GABRP: variants seen among roughly 807,000 people sequenced by gnomAD.
GABRP encodes gamma-aminobutyric acid type A receptor subunit pi, also known as gamma-aminobutyric acid receptor subunit pi.
In GABRP, 52 loss-of-function variants were observed where a neutral mutation model predicts 47.8. That is an observed-to-expected ratio of 1.09 (90% CI 0.87 to 1.37). The LOEUF is 1.37. GABRP is among the 40% of genes most tolerant of loss of function. The pLI is 0.00. For missense variants in GABRP, 525 were observed against 542.8 expected (o/e 0.97, Z 0.33); for synonymous variants, 221 against 205.8 (o/e 1.07, Z -0.63).
chr5:170,802,853 G>A (rs144051022), intron 6 of GABRP, among the ~76,000 whole-genome samples: 14 of 133,552 alleles, frequency 1.0e-4, no homozygotes, highest in Admixed American at 2.2e-4. Flanking sequence ...CCCAGTGAGC[G>A]GAGGGAGCTT....
intron 5 of GABRP, among the ~76,000 whole-genome samples, chr5:170,797,050 G>A (rs1307021829): frequency 6.6e-6 from 1 of 152,248 alleles, no homozygotes; most frequent in Non-Finnish European, 1.5e-5. Context: ...CCTCAGTTCT[G>A]CCACTCAGAG....
chr5:170,799,125 G>C (rs1168866903), intron 6 of GABRP, among the ~76,000 whole-genome samples: 1 of 152,124 alleles, frequency 6.6e-6, no homozygotes, highest in East Asian at 1.9e-4. Flanking sequence ...ATTTTTTATG[G>C]CTGCATAGTA....
intron 1 of GABRP, among the ~76,000 whole-genome samples, chr5:170,787,007 T>C (rs1417012278): frequency 6.6e-6 from 1 of 152,088 alleles, no homozygotes; most frequent in African/African-American, 2.4e-5. Flanking sequence ...TTTTTTTAAA[T>C]AGACTTCTTT....
Position 170,797,481 on chromosome 5 carries a change from T to G in GABRP, c.474T>G (p.Val158=). Residue 158 remains valine, a synonymous_variant, in exon 6 of 10, where the codon GTT becomes GTG. Transcript: ENST00000265294. ...VLYALRITTT[V]ACNMDLSKYP... is the part of the protein sequence containing the mutation. ...TCCCTCTTAGAATCACGACAACTGT[T>G]GCATGTAACATGGATCTGTCTAAAT... 6.2e-7 allele frequency: 1 copy of G among 1,610,834 alleles called. No individual in the cohort carries two copies.
chr5:170,812,075 C>A lies in GABRP; in HGVS notation c.1140C>A (p.Tyr380Ter). 1 of 1,614,188 alleles carries A rather than the reference C, an allele frequency of 6.2e-7. No individual in the cohort carries two copies. The highest frequency in any genetic ancestry group is 1.3e-5 in the African/African-American group (1 of 75,058). Residue 380 changes from tyrosine (Y) to a stop codon, truncating the protein, a stop_gained, in exon 10 of 10, where the codon TAC becomes TAA. Transcript: ENST00000265294. LOFTEE classifies it high-confidence loss of function. Reference protein sequence around the residue: ...SIEISSDNVDYSDLTMKTSDK... With the variant: ...SIEISSDNVD ...AAATTTCCAGCGACAACGTTGACTA[C>A]AGTGACTTGACAATGAAAACCAGCG... is the stretch of plus-strand genomic sequence containing the variant.
intron 5 of GABRP, among the ~76,000 whole-genome samples, chr5:170,796,969 C>CTCTG (rs1042456456): frequency 9.2e-5 from 14 of 152,340 alleles, no homozygotes; most frequent in African/African-American, 3.1e-4. Flanking sequence ...CCCCCACTGC[C>CTCTG]TCTGCATCCT....
At chr5:170,808,346 C>T (rs1765789812) in intron 7 of GABRP, among the ~76,000 whole-genome samples, 1 of 152,138 alleles carries the variant, frequency 6.6e-6, no homozygotes. Flanking sequence ...TCAAGAAAAC[C>T]AGTATTGATT....
chr5:170,784,918 G>T (rs1178757621), intron 1 of GABRP, among the ~76,000 whole-genome samples: 1 of 152,198 alleles, frequency 6.6e-6, no homozygotes, highest in Non-Finnish European at 1.5e-5. Flanking sequence ...GGCCTCCTGA[G>T]CACCATGTCC....
Position 170,812,338 on chromosome 5 carries a change from G to T in GABRP, c.*80G>T. The T allele has an allele frequency of 1.0e-5, 11 of 1,096,018 alleles. No homozygotes were observed. The South Asian group carries it at 1.6e-4, about 16-fold the overall frequency. 67.9% of individuals were successfully genotyped at this position (1,096,018 alleles called of 1,614,324 possible). The stretch of plus-strand genomic sequence containing the variant: ...GTAAATGGTATTTTAGGCCAAGTGT[G>T]CACCCACATCCAATGGTGCTACAAG... On this transcript the variant is annotated 3_prime_UTR_variant, in exon 10 of 10. Transcript: ENST00000265294.
chr5:170,791,529 T>C (rs1176714184), intron 3 of GABRP, among the ~76,000 whole-genome samples: 2 of 152,226 alleles, frequency 1.3e-5, no homozygotes, highest in African/African-American at 4.8e-5. Flanking sequence ...ACCTCGTTCC[T>C]GGGAGAAAGC....
chr5:170,785,829 G>A (rs1422822698), intron 1 of GABRP, among the ~76,000 whole-genome samples: 1 of 152,228 alleles, frequency 6.6e-6, no homozygotes, highest in Non-Finnish European at 1.5e-5. Context: ...GGGCTGGTGG[G>A]AAGAGGCTGA....
At position 170,795,294 on chromosome 5, in the gene GABRP, C is replaced by T. The variant is rs1765396352; in HGVS notation, c.327C>T (p.Ala109=). ...GCAACAAGAGCTTCACTCTGGATGCCCGCCTCGTGGAGTTCCTCTGGGTGC... is the reference window on the plus strand; with the variant it reads ...GCAACAAGAGCTTCACTCTGGATGCTCGCCTCGTGGAGTTCCTCTGGGTGC... ...FEGNKSFTLD[A]RLVEFLWVPD... Residue 109 remains alanine (A), a synonymous_variant, in exon 5 of 10, where the codon GCC becomes GCT. Coordinates refer to ENST00000265294, the MANE Select transcript of GABRP (RefSeq NM_014211.3). 1.2e-6 allele frequency: 2 copies of T among 1,613,722 alleles called. No homozygotes were observed. Among genetic ancestry groups the T allele is most frequent in the East Asian group, 2.2e-5 (1 of 44,784 alleles).
At chr5:170,809,815 A>C in intron 9 of GABRP, 60 bp downstream of exon 9, 1 of 1,508,132 alleles carries the variant, frequency 6.6e-7, no homozygotes, top group South Asian at 1.3e-5. Context: ...TGATCTGTAG[A>C]CATGGGCTGG....
chr5:170,800,077 C>T (rs1276473924), intron 6 of GABRP, among the ~76,000 whole-genome samples: 2 of 152,168 alleles, frequency 1.3e-5, no homozygotes, highest in Non-Finnish European at 2.9e-5. Context: ...CATCATGCTA[C>T]CTGACTTCAA....
chr5:170,784,928 C>T lies in GABRP; in HGVS notation c.-43+1054C>T, dbSNP rs116478079. 9.7e-3 allele frequency among the ~76,000 whole-genome samples: 1,480 copies of T among 152,286 alleles called. 30 individuals carry two copies. The highest frequency in any genetic ancestry group is 0.033 in the African/African-American group (1,366 of 41,556). On this transcript the variant is annotated intron_variant, in intron 1 of 9. Coordinates refer to ENST00000265294, the MANE Select transcript of GABRP (RefSeq NM_014211.3). ...CCTAGGGCCTCCTGAGCACCATGTCCCTGCAGATGCAGAAGGCTAGGTGGT... is the reference window on the plus strand; with the variant it reads ...CCTAGGGCCTCCTGAGCACCATGTCTCTGCAGATGCAGAAGGCTAGGTGGT...
intron 1 of GABRP, among the ~76,000 whole-genome samples, chr5:170,785,143 G>T (rs1025957324): frequency 1.3e-5 from 2 of 152,206 alleles, no homozygotes; most frequent in African/African-American, 4.8e-5. Flanking sequence ...GGGAGTGATG[G>T]CATCAGCTGC....
intron 6 of GABRP, among the ~76,000 whole-genome samples, chr5:170,802,228 G>A (rs762996456): frequency 2.0e-4 from 30 of 152,156 alleles, no homozygotes; most frequent in Admixed American, 2.6e-4. Context: ...TTAGTAAACC[G>A]CTCCGAAATG....
Position 170,811,961 on chromosome 5 carries a change from A to G in GABRP, c.1026A>G (p.Thr342=). 1 of 1,613,342 alleles carries G rather than the reference A, an allele frequency of 6.2e-7. No homozygotes were observed. Among genetic ancestry groups the G allele is most frequent in the African/African-American group, 1.3e-5 (1 of 74,996 alleles). Residue 342 remains threonine (T), a synonymous_variant, in exon 10 of 10, where the codon ACA becomes ACG. Transcript: ENST00000265294. The stretch of plus-strand genomic sequence containing the variant: ...CTGCATTGTCTATGAACTAGGGGAC[A>G]ACAAAGGAAGTAGAAGAAGTCAGTA... ...LQQMAAKDRG[T]TKEVEEVSIT... is the part of the protein sequence containing the mutation.
intron 8 of GABRP, 78 bp downstream of exon 8, chr5:170,808,830 A>G (rs911714052): frequency 4.7e-6 from 6 of 1,285,006 alleles, no homozygotes; most frequent in Admixed American, 2.0e-5. Flanking sequence ...CATTGTCTTC[A>G]TTGATATTCC....
Sources: gnomAD v4.1 joint callset for allele counts (sites outside exome capture counted in the v4.1 genomes callset) on GRCh38, gnomAD v4.1.1 for gene constraint, MANE v1.5 for transcripts, NCBI Gene and HGNC (gene_info 2026-07-23, HGNC 2026-07-21) for gene names.